ENTPD1: variants seen among roughly 807,000 people sequenced by gnomAD.
The protein encoded by ENTPD1 is ectonucleoside triphosphate diphosphohydrolase 1, also known as ATP diphosphohydrolase.
In ENTPD1, 33 loss-of-function variants were observed where a neutral mutation model predicts 57.0. The observed-to-expected ratio is 0.58, with a 90% confidence interval of 0.44 to 0.77. The LOEUF is 0.77. Ranked by LOEUF, ENTPD1 falls within the 30% of genes least tolerant of loss-of-function variation. The probability of loss-of-function intolerance (pLI) is 0.00; values close to 1 mark genes in which losing one functional copy is unlikely to be tolerated. For missense variants in ENTPD1, 501 were observed against 603.4 expected (o/e 0.83, Z 1.78); for synonymous variants, 202 against 218.8 (o/e 0.92, Z 0.68).
chr10:95,808,570 G>A (rs1161693262), intron 1 of ENTPD1, among the ~76,000 whole-genome samples: 1 of 152,140 alleles, frequency 6.6e-6, no homozygotes, highest in African/African-American at 2.4e-5. Context: ...AATCAGAAGT[G>A]GGGGAGTTAG....
chr10:95,704,500 A>G, the ENTPD1 span, among the ~76,000 whole-genome samples: 1 of 152,218 alleles, frequency 6.6e-6, no homozygotes, highest in Non-Finnish European at 1.5e-5. Flanking sequence ...ACACATATGT[A>G]GTCACTTGAT....
At chr10:95,767,292 G>T (rs1394595273) in intron 1 of ENTPD1, among the ~76,000 whole-genome samples, 15 of 137,894 alleles carry the variant, frequency 1.1e-4, no homozygotes, top group Middle Eastern at 3.9e-3. Flanking sequence ...TCCAGCCTGG[G>T]AGACAGAGCG....
At chr10:95,756,462 G>A in intron 1 of ENTPD1, 2 of 613,812 alleles carry the variant, frequency 3.3e-6, no homozygotes, top group East Asian at 5.6e-5. Flanking sequence ...GTCAAGGGTG[G>A]CTCTAGAGCA....
At chr10:95,760,814 C>CTTTTTTTTTTTTTTTTTTTTTTTTTTT (rs71034350) in intron 1 of ENTPD1, among the ~76,000 whole-genome samples, 1 of 62,972 alleles carries the variant, frequency 1.6e-5, no homozygotes, top group Admixed American at 2.1e-4. Context: ...AGAGTTTATT[C>CTTTTTTTTTTTTTTTTTTTTTTTTTTT]TTTTTTTTTT....
At chr10:95,703,064 T>A in the ENTPD1 span, among the ~76,000 whole-genome samples, 4 of 152,004 alleles carry the variant, frequency 2.6e-5, no homozygotes, top group South Asian at 6.2e-4. Flanking sequence ...GGATTACAGG[T>A]GTGAGCCACC....
chr10:95,872,391 T>G lies in ENTPD1; in HGVS notation c.*6008T>G. ...ATGTTTCCTACACTACACTACACTA[T>G]ACTACACTACAGCCAGGTAGAATGA... On this transcript the variant is annotated 3_prime_UTR_variant, in exon 10 of 10. Coordinates refer to ENST00000371205, the MANE Select transcript of ENTPD1 (RefSeq NM_001776.6). 1 of 985,398 alleles carries G rather than the reference T, an allele frequency of 1.0e-6. No individual in the cohort carries two copies. 61.0% of individuals were successfully genotyped at this position (985,398 alleles called of 1,614,324 possible).
chr10:95,758,128 C>T (rs1376621221), intron 1 of ENTPD1, among the ~76,000 whole-genome samples: 1 of 151,934 alleles, frequency 6.6e-6, no homozygotes, highest in Non-Finnish European at 1.5e-5. Context: ...CCCCAAGCTG[C>T]GCCTCATTGA....
chr10:95,858,007 A>G (rs1590185169), intron 7 of ENTPD1, among the ~76,000 whole-genome samples: 1 of 152,006 alleles, frequency 6.6e-6, no homozygotes, highest in Non-Finnish European at 1.5e-5. Flanking sequence ...TAAAAATACA[A>G]ATTAGCCGGG....
chr10:95,852,250 G>A (rs905414998), intron 7 of ENTPD1, among the ~76,000 whole-genome samples: 21 of 152,144 alleles, frequency 1.4e-4, no homozygotes, highest in Non-Finnish European at 2.5e-4. Context: ...GTCTATTCAG[G>A]TCCTTCGCCC....
intron 7 of ENTPD1, among the ~76,000 whole-genome samples, chr10:95,856,500 C>A (rs1327643707): frequency 6.6e-6 from 1 of 152,028 alleles, no homozygotes; most frequent in African/African-American, 2.4e-5. Flanking sequence ...TGGATATCTA[C>A]CCAGAGGAAA....
intron 1 of ENTPD1, among the ~76,000 whole-genome samples, chr10:95,809,838 CCG>C (rs2098294863): frequency 2.1e-5 from 3 of 142,210 alleles, no homozygotes; most frequent in African/African-American, 8.0e-5. Context: ...GGGGCAGCGG[CCG>C]GGCTGAGATG....
chr10:95,794,824 G>A (rs773930492), intron 1 of ENTPD1, among the ~76,000 whole-genome samples: 11 of 152,148 alleles, frequency 7.2e-5, no homozygotes, highest in Non-Finnish European at 1.6e-4. Context: ...TCTAGGCAGA[G>A]TACATAAATT....
At chr10:95,865,942 T>G (rs1370521861) in intron 9 of ENTPD1, among the ~76,000 whole-genome samples, 2 of 152,088 alleles carry the variant, frequency 1.3e-5, no homozygotes, top group Non-Finnish European at 1.5e-5. Context: ...TAATTTTATT[T>G]TTTAGAGAGA....
At chr10:95,699,746 T>C in the ENTPD1 span, among the ~76,000 whole-genome samples, 2 of 152,228 alleles carry the variant, frequency 1.3e-5, no homozygotes, top group Non-Finnish European at 2.9e-5. Flanking sequence ...AGGGTATATA[T>C]TTATAAAAAC....
Position 95,873,793 on chromosome 10 carries a change from G to A in ENTPD1, c.*7410G>A, listed in dbSNP as rs1337314664. ...GGACTTACAGTTCCACATGGCTGGG[G>A]AGGCCTCAAAATCAGGTGGGAGGCA... On this transcript the variant is annotated 3_prime_UTR_variant, in exon 10 of 10. Transcript: ENST00000371205. The A allele has an allele frequency of 4.8e-6, 4 of 831,190 alleles. No homozygotes were observed. The highest frequency in any genetic ancestry group is 4.4e-6 in the Non-Finnish European group (3 of 689,224). 51.5% of individuals were successfully genotyped at this position (831,190 alleles called of 1,614,324 possible). A position where few individuals can be genotyped will look rare whatever the true frequency, so the allele number is the denominator to read the frequency against.
chr10:95,725,372 A>C (rs915873784), intron 1 of ENTPD1, among the ~76,000 whole-genome samples: 1 of 152,104 alleles, frequency 6.6e-6, no homozygotes, highest in African/African-American at 2.4e-5. Flanking sequence ...CCCCTCGGTG[A>C]GTATGGGTTA....
intron 2 of ENTPD1, among the ~76,000 whole-genome samples, chr10:95,830,174 G>A (rs1287838417): frequency 1.3e-5 from 2 of 152,186 alleles, no homozygotes; most frequent in Non-Finnish European, 2.9e-5. Context: ...ATGGTAAGGA[G>A]TTTTCTAGAA....
upstream of ENTPD1, chr10:95,755,625 C>G (rs2098020270): frequency 6.9e-7 from 1 of 1,439,206 alleles, no homozygotes; most frequent in Admixed American, 2.0e-5. Context: ...CGCAGCGTCT[C>G]CTGCAGGAAA....
At chr10:95,788,629 A>C (rs1484073790) in intron 1 of ENTPD1, among the ~76,000 whole-genome samples, 1 of 152,132 alleles carries the variant, frequency 6.6e-6, no homozygotes, top group Non-Finnish European at 1.5e-5. Flanking sequence ...AAAAAAGAAA[A>C]AAAAGAAAAA....
Sources: gnomAD v4.1 joint callset for allele counts (sites outside exome capture counted in the v4.1 genomes callset) on GRCh38, gnomAD v4.1.1 for gene constraint, MANE v1.5 for transcripts, NCBI Gene and HGNC (gene_info 2026-07-23, HGNC 2026-07-21) for gene names.